The following CACNA2D1 variants were observed in gnomAD, a reference collection of about 807,000 sequenced individuals.
The protein encoded by CACNA2D1 is calcium voltage-gated channel auxiliary subunit alpha2delta 1.
Under a neutral mutation model 171.5 loss-of-function variants are expected in CACNA2D1, and 53 were observed. The ratio of observed to expected loss-of-function variants is 0.31; its 90% CI spans 0.25 to 0.39. The LOEUF (loss-of-function observed/expected upper bound fraction) is 0.39. Ranked by LOEUF, CACNA2D1 falls within the 10% of genes least tolerant of loss-of-function variation. CACNA2D1 has a pLI of 1.00. For synonymous variants in CACNA2D1, 442 were observed against 443.1 expected (o/e 1.00, Z 0.03); for missense variants, 903 against 1,299.8 (o/e 0.69, Z 4.69).
chr7:82,127,801 G>A (rs1790504934), intron 5 of CACNA2D1, among the ~76,000 whole-genome samples: 8 of 152,134 alleles, frequency 5.3e-5, no homozygotes, highest in Admixed American at 3.9e-4. Context: ...TAAGTTAACT[G>A]GACACAGCAA....
intron 4 of CACNA2D1, among the ~76,000 whole-genome samples, chr7:82,149,106 T>C (rs1793490808): frequency 6.6e-6 from 1 of 152,192 alleles, no homozygotes; most frequent in Admixed American, 6.5e-5. Context: ...CAGCACAGCA[T>C]AGTGTGATCA....
chr7:82,414,680 G>C (rs956293788), intron 1 of CACNA2D1, among the ~76,000 whole-genome samples: 1 of 152,146 alleles, frequency 6.6e-6, no homozygotes, highest in African/African-American at 2.4e-5. Context: ...TCCATTCGAA[G>C]GAGGTGTATG....
chr7:82,085,485 C>T (rs574172648), intron 6 of CACNA2D1, among the ~76,000 whole-genome samples: 1 of 150,716 alleles, frequency 6.6e-6, no homozygotes. Flanking sequence ...ATTGATGACT[C>T]TCTGCGGCAG....
chr7:82,230,164 G>T (rs556366352), intron 3 of CACNA2D1, among the ~76,000 whole-genome samples: 1 of 152,244 alleles, frequency 6.6e-6, no homozygotes, highest in East Asian at 1.9e-4. Flanking sequence ...CCTCCTTTGT[G>T]CTCCCTTCCA....
chr7:82,405,324 A>C (rs1409250434), intron 1 of CACNA2D1, among the ~76,000 whole-genome samples: 2 of 152,220 alleles, frequency 1.3e-5, no homozygotes, highest in African/African-American at 4.8e-5. Context: ...ATGGTCTTTT[A>C]CTAATAAAAG....
intron 24 of CACNA2D1, among the ~76,000 whole-genome samples, chr7:81,978,801 CATAT>C (rs3083237): frequency 2.8e-5 from 4 of 141,584 alleles, no homozygotes; most frequent in Admixed American, 7.1e-5. Context: ...CAAAACAGCA[CATAT>C]ATATATATAT....
At chr7:82,407,631 T>C (rs193237182) in intron 1 of CACNA2D1, among the ~76,000 whole-genome samples, 1 of 151,212 alleles carries the variant, frequency 6.6e-6, no homozygotes. Context: ...ATTGCAAAAA[T>C]TATTATTTTT....
At chr7:82,279,517 C>T (rs1011374395) in intron 3 of CACNA2D1, among the ~76,000 whole-genome samples, 19 of 152,228 alleles carry the variant, frequency 1.2e-4, no homozygotes, top group African/African-American at 3.4e-4. Flanking sequence ...TCTTCATCAT[C>T]GACTATTAAT....
chr7:82,127,300 C>T (rs1280437755), intron 5 of CACNA2D1, among the ~76,000 whole-genome samples: 1 of 152,172 alleles, frequency 6.6e-6, no homozygotes, highest in East Asian at 1.9e-4. Flanking sequence ...CAAATATCAT[C>T]CATAGTAAAA....
chr7:82,048,143 G>A (rs1227681663), intron 10 of CACNA2D1, among the ~76,000 whole-genome samples: 1 of 147,602 alleles, frequency 6.8e-6, no homozygotes, highest in African/African-American at 2.6e-5. Context: ...CTGGGATGCA[G>A]AAACAGCTGA....
chr7:82,323,931 C>G (rs918196995), intron 3 of CACNA2D1, among the ~76,000 whole-genome samples: 3 of 152,180 alleles, frequency 2.0e-5, no homozygotes, highest in Admixed American at 1.3e-4. Flanking sequence ...ATTGTGCTTT[C>G]TATCTTAAAG....
intron 3 of CACNA2D1, among the ~76,000 whole-genome samples, chr7:82,263,846 A>T (rs564816028): frequency 6.6e-6 from 1 of 152,328 alleles, no homozygotes; most frequent in East Asian, 1.9e-4. Flanking sequence ...ATTAGAGAGA[A>T]GATTACCCCA....
intron 1 of CACNA2D1, among the ~76,000 whole-genome samples, chr7:82,397,705 C>T (rs1825888573): frequency 1.3e-5 from 2 of 152,036 alleles, no homozygotes; most frequent in South Asian, 2.1e-4. Context: ...GCATATATTG[C>T]CATATTAACG....
At chr7:82,186,112 C>T (rs1017399712) in intron 3 of CACNA2D1, among the ~76,000 whole-genome samples, 4 of 149,002 alleles carry the variant, frequency 2.7e-5, no homozygotes, top group South Asian at 2.2e-4. Flanking sequence ...GACAAGTTCG[C>T]GCCATTGCAC....
intron 38 of CACNA2D1, among the ~76,000 whole-genome samples, chr7:81,951,975 T>TTTTTTTTTTTTTTTTTTGTTTTG (rs1792618147): frequency 1.4e-5 from 2 of 147,464 alleles, no homozygotes; most frequent in Admixed American, 6.8e-5. Context: ...AAGTGTTTTT[T>TTTTTTTTTTTTTTTTTTGTTTTG]TTTTTTTTTT....
intron 6 of CACNA2D1, among the ~76,000 whole-genome samples, chr7:82,109,918 T>C (rs975240466): frequency 1.3e-5 from 2 of 152,176 alleles, no homozygotes; most frequent in African/African-American, 4.8e-5. Context: ...TTAGGTTCTA[T>C]ATTCTTGTCC....
intron 1 of CACNA2D1, among the ~76,000 whole-genome samples, chr7:82,418,768 T>C (rs1353644017): frequency 2.6e-5 from 4 of 152,138 alleles, no homozygotes; most frequent in African/African-American, 9.7e-5. Context: ...CTCACCAAGA[T>C]GTTTTTGGTG....
chr7:82,014,361 G>C, intron 13 of CACNA2D1, 40 bp downstream of exon 13: 1 of 1,090,494 alleles, frequency 9.2e-7, no homozygotes, highest in Non-Finnish European at 1.4e-6. Context: ...TACCAAAATA[G>C]TTTTTCTTCT....
At chr7:82,096,474 A>G (rs1213737754) in intron 6 of CACNA2D1, among the ~76,000 whole-genome samples, 1 of 152,026 alleles carries the variant, frequency 6.6e-6, no homozygotes, top group African/African-American at 2.4e-5. Flanking sequence ...CTAGGTGGCT[A>G]CCGTAAATCA....
Sources: allele counts gnomAD v4.1 joint callset (sites outside exome capture counted in the v4.1 genomes callset), GRCh38; gene constraint gnomAD v4.1.1; transcripts MANE v1.5; gene names NCBI Gene and HGNC (gene_info 2026-07-23, HGNC 2026-07-21).